Variants in SLIT1 observed in about 807,000 individuals in gnomAD.
SLIT1 encodes the protein slit homolog 1 protein.
Under a neutral mutation model 186.1 loss-of-function variants are expected in SLIT1, and 66 were observed. The observed-to-expected ratio is 0.35, with a 90% CI of 0.29 to 0.44. The LOEUF (loss-of-function observed/expected upper bound fraction) is 0.44, where lower values mean the gene tolerates loss of function less well. Ranked by LOEUF, SLIT1 falls within the 20% of genes least tolerant of loss-of-function variation. The probability of loss-of-function intolerance (pLI) is 1.00; values close to 1 mark genes in which losing one functional copy is unlikely to be tolerated. For missense variants in SLIT1, 1,638 were observed against 2,037.4 expected (o/e 0.80, Z 3.77); for synonymous variants, 761 against 833.8 (o/e 0.91, Z 1.50).
chr10:97,010,876 A>G lies in SLIT1; in HGVS notation c.3341+117T>C. 1 of 975,582 alleles carries G rather than the reference A, an allele frequency of 1.0e-6. No homozygotes were observed. The highest frequency in any genetic ancestry group is 1.5e-6 in the Non-Finnish European group (1 of 657,482). 60.4% of individuals were successfully genotyped at this position (975,582 alleles called of 1,614,324 possible). On this transcript the variant is annotated intron_variant, in intron 31 of 36. Transcript: ENST00000266058. This position sits in a 1 kb window ranked among gnomAD's most constrained non-coding sequence, Gnocchi z 4.8. ...GCAGAGCCACGGTTAAAACCCCAGCATCCAACTTCCAGGCTCTGACCCACA... is the reference window on the plus strand; with the variant it reads ...GCAGAGCCACGGTTAAAACCCCAGCGTCCAACTTCCAGGCTCTGACCCACA...
At chr10:97,123,525 GC>G (rs1470590481) in intron 4 of SLIT1, among the ~76,000 whole-genome samples, 2 of 152,152 alleles carry the variant, frequency 1.3e-5, no homozygotes, top group African/African-American at 4.8e-5. Flanking sequence ...AGTGGCTCAA[GC>G]CTGTAATCCC....
rs74153743 is a variant in SLIT1 at position 97,012,436 on chromosome 10, C to T, written c.3203+1305G>A. 1.0e-2 allele frequency among the ~76,000 whole-genome samples: 1,522 copies of T among 152,292 alleles called. 20 individuals are homozygous for T. The highest frequency in any genetic ancestry group is 0.031 in the African/African-American group (1,306 of 41,546). On this transcript the variant is annotated intron_variant, in intron 30 of 36. Transcript: ENST00000266058. ...TGAACATGTCAGTTCCATCTTTCCA[C>T]CAGGACAGGCAGTTGAGAGAACACG...
intron 21 of SLIT1, among the ~76,000 whole-genome samples, chr10:97,037,989 C>T (rs568954707): frequency 7.9e-5 from 12 of 152,288 alleles, no homozygotes; most frequent in Admixed American, 6.5e-4. Context: ...CCAATAGTCA[C>T]GTGGCCTCTC....
chr10:97,069,473 A>G (rs183884631), intron 4 of SLIT1, among the ~76,000 whole-genome samples: 95 of 152,296 alleles, frequency 6.2e-4, no homozygotes, highest in Admixed American at 1.4e-3. Flanking sequence ...ACCCCCAAAG[A>G]CTTGCTTTCA....
intron 4 of SLIT1, among the ~76,000 whole-genome samples, chr10:97,116,245 G>A (rs1214356691): frequency 6.6e-6 from 1 of 152,132 alleles, no homozygotes; most frequent in Non-Finnish European, 1.5e-5. Flanking sequence ...TAGGAGAGGA[G>A]AAAGAGAAGG....
intron 4 of SLIT1, among the ~76,000 whole-genome samples, chr10:97,131,745 G>C (rs970130123): frequency 6.6e-6 from 1 of 152,178 alleles, no homozygotes; most frequent in Non-Finnish European, 1.5e-5. Context: ...TTTGTTTTCC[G>C]GTAGTCATGA....
Position 97,171,718 on chromosome 10 carries a change from C to T in SLIT1, c.198-6828G>A, listed in dbSNP as rs183527267. Among the ~76,000 whole-genome samples, 293 of 152,038 alleles carry T rather than the reference C, an allele frequency of 1.9e-3. 2 individuals carry two copies. Among genetic ancestry groups the T allele is most frequent in the Middle Eastern group, 0.017 (5 of 294 alleles). Reference sequence around the variant, plus strand: ...CCTGAAATCCCAGCCACTTGGGAGGCTGAGACAGGAAAATCGCTTGAACCC... The same window carrying T: ...CCTGAAATCCCAGCCACTTGGGAGGTTGAGACAGGAAAATCGCTTGAACCC... On this transcript the variant is annotated intron_variant, in intron 1 of 36. Transcript: ENST00000266058.
At chr10:97,180,217 T>C (rs1157322934) in intron 1 of SLIT1, among the ~76,000 whole-genome samples, 1 of 152,240 alleles carries the variant, frequency 6.6e-6, no homozygotes, top group Non-Finnish European at 1.5e-5. Flanking sequence ...TCCCTGCAAT[T>C]CTCTGTCACC....
At chr10:97,037,676 C>G (rs777799718) in intron 22 of SLIT1, 22 bp downstream of exon 22, 1 of 1,599,680 alleles carries the variant, frequency 6.3e-7, no homozygotes, top group Non-Finnish European at 8.6e-7. Flanking sequence ...CCCTCCTGTC[C>G]TCAAGCGGCC....
intron 4 of SLIT1, among the ~76,000 whole-genome samples, chr10:97,135,952 C>T (rs920514266): frequency 6.6e-6 from 1 of 152,120 alleles, no homozygotes; most frequent in Admixed American, 6.6e-5. Context: ...GCACCTGGGA[C>T]CCCTGGGTGG....
chr10:97,027,913 G>A (rs146374428), intron 25 of SLIT1, among the ~76,000 whole-genome samples: 10 of 152,192 alleles, frequency 6.6e-5, no homozygotes, highest in Admixed American at 2.0e-4. Flanking sequence ...ATACATTAAG[G>A]GGGGGCGGAA....
intron 4 of SLIT1, among the ~76,000 whole-genome samples, chr10:97,108,584 C>T (rs965083226): frequency 2.0e-5 from 3 of 152,104 alleles, no homozygotes; most frequent in African/African-American, 7.2e-5. Flanking sequence ...AACATGGCAT[C>T]GGCTGGTGGT....
At chr10:97,086,900 C>T (rs1849165676) in intron 4 of SLIT1, among the ~76,000 whole-genome samples, 1 of 152,064 alleles carries the variant, frequency 6.6e-6, no homozygotes, top group African/African-American at 2.4e-5. Context: ...CTGTAAACTA[C>T]ACACTCTAGG....
intron 4 of SLIT1, among the ~76,000 whole-genome samples, chr10:97,076,777 C>T (rs1241807841): frequency 6.6e-6 from 1 of 152,226 alleles, no homozygotes; most frequent in African/African-American, 2.4e-5. Flanking sequence ...TATCAGTCAG[C>T]TAATTCTCAG....
chr10:97,125,655 A>G (rs1326153687), intron 4 of SLIT1, among the ~76,000 whole-genome samples: 1 of 152,052 alleles, frequency 6.6e-6, no homozygotes, highest in East Asian at 1.9e-4. Context: ...CCTGGCCAAC[A>G]TAGCGAAACC....
intron 1 of SLIT1, among the ~76,000 whole-genome samples, chr10:97,180,601 A>C (rs1850323090): frequency 1.3e-5 from 2 of 152,226 alleles, no homozygotes. Context: ...AGGCCCCGCC[A>C]GCTGCTGAGT....
intron 18 of SLIT1, 100 bp downstream of exon 18, chr10:97,046,554 G>T: frequency 8.1e-7 from 1 of 1,233,512 alleles, no homozygotes; most frequent in Non-Finnish European, 1.1e-6. Flanking sequence ...CTGCAAGCTG[G>T]GCCCAGGGGA....
At chr10:97,144,521 C>T (rs578002125) in intron 4 of SLIT1, among the ~76,000 whole-genome samples, 25 of 152,306 alleles carry the variant, frequency 1.6e-4, no homozygotes, top group African/African-American at 6.0e-4. Flanking sequence ...TCTCAGGCGG[C>T]AGGCTAAGCT....
At chr10:97,012,921 ACG>A (rs1415108837) in intron 30 of SLIT1, among the ~76,000 whole-genome samples, 1 of 152,242 alleles carries the variant, frequency 6.6e-6, no homozygotes, top group African/African-American at 2.4e-5. Context: ...AAATGAGACT[ACG>A]TTTGCACAAC....
Sources: gnomAD v4.1 joint callset for allele counts (sites outside exome capture counted in the v4.1 genomes callset) on GRCh38, gnomAD v4.1.1 for gene constraint, Gnocchi (gnomAD v3.1) non-coding constraint, MANE v1.5 for transcripts, NCBI Gene and HGNC (gene_info 2026-07-23, HGNC 2026-07-21) for gene names.